The following M1AP variants were observed in gnomAD, a reference collection of about 807,000 sequenced individuals.
M1AP encodes the protein meiosis 1 arrest protein.
M1AP carries 39 observed loss-of-function variants against 51.2 expected under a neutral mutation model. The observed-to-expected ratio is 0.76, with a 90% CI of 0.59 to 1.00. The LOEUF is 1.00. M1AP is among the 50% of genes least tolerant of loss of function. M1AP has a pLI of 0.00. For synonymous variants in M1AP, 251 were observed against 249.2 expected (o/e 1.01, Z -0.07); for missense variants, 545 against 641.2 (o/e 0.85, Z 1.62).
chr2:74,568,980 A>G (rs77563225), intron 7 of M1AP, among the ~76,000 whole-genome samples: 5,763 of 152,276 alleles, frequency 0.038, 341 homozygotes, highest in African/African-American at 0.13. Context: ...ATTTATTTAT[A>G]TATGTTATTG....
chr2:74,563,606 T>TAAA (rs750014043), intron 7 of M1AP, among the ~76,000 whole-genome samples: 8 of 54,636 alleles, frequency 1.5e-4, no homozygotes, highest in Admixed American at 2.1e-4. Context: ...TCTCAAAACA[T>TAAA]AAAAAAAAAA....
chr2:74,647,398 G>T (rs1683672783), intron 1 of M1AP: 6 of 985,248 alleles, frequency 6.1e-6, no homozygotes, highest in Non-Finnish European at 7.2e-6. Flanking sequence ...CGATTCAATG[G>T]TTCTCCCTCT....
intron 8 of M1AP, among the ~76,000 whole-genome samples, chr2:74,561,175 G>A (rs1219892540): frequency 5.2e-5 from 7 of 135,236 alleles, no homozygotes; most frequent in African/African-American, 8.4e-5. Context: ...GGAGAAGGAG[G>A]AGGAGGAGAA....
intron 4 of M1AP, among the ~76,000 whole-genome samples, chr2:74,593,263 G>C (rs964141404): frequency 3.3e-5 from 5 of 152,156 alleles, no homozygotes; most frequent in African/African-American, 1.2e-4. Context: ...GAGGTAAAAA[G>C]AAAGAACCAA....
intron 4 of M1AP, among the ~76,000 whole-genome samples, chr2:74,598,228 A>G (rs1257782889): frequency 2.0e-5 from 3 of 152,084 alleles, no homozygotes; most frequent in African/African-American, 7.2e-5. Flanking sequence ...CTCAAAATAC[A>G]AAAATTAGCT....
At chr2:74,593,252 G>T (rs1182108138) in intron 4 of M1AP, among the ~76,000 whole-genome samples, 1 of 152,148 alleles carries the variant, frequency 6.6e-6, no homozygotes, top group Non-Finnish European at 1.5e-5. Context: ...AGGCAGAAAA[G>T]GAGGTAAAAA....
chr2:74,576,729 A>G lies in M1AP; in HGVS notation c.770-111T>C, dbSNP rs878930806. On this transcript the variant is annotated intron_variant, in intron 5 of 10. Coordinates refer to ENST00000421985, the MANE Select transcript of M1AP (RefSeq NM_001321739.2). ...AGAGACAACATCTGCTACCCATTCC[A>G]TCTCTACCAGGCAAGCAAGGGATAG... The G allele has an allele frequency of 3.8e-6, 5 of 1,331,896 alleles. No individual in the cohort carries two copies. The South Asian group carries it at 4.1e-5, about 11-fold the overall frequency. 82.5% of individuals were successfully genotyped at this position (1,331,896 alleles called of 1,614,324 possible). A position where few individuals can be genotyped will look rare whatever the true frequency, so the allele number is the denominator to read the frequency against.
intron 4 of M1AP, among the ~76,000 whole-genome samples, chr2:74,591,984 A>C (rs1449776309): frequency 6.6e-6 from 1 of 151,610 alleles, no homozygotes; most frequent in Admixed American, 6.6e-5. Flanking sequence ...ATTTTTTTTC[A>C]GTAGAGAAGG....
intron 2 of M1AP, among the ~76,000 whole-genome samples, chr2:74,638,053 C>T (rs867800123): frequency 2.0e-5 from 3 of 151,626 alleles, no homozygotes; most frequent in South Asian, 4.2e-4. Flanking sequence ...TAAGCTGGGA[C>T]AATTCTTTTT....
intron 5 of M1AP, among the ~76,000 whole-genome samples, chr2:74,580,717 G>A (rs772717089): frequency 6.6e-5 from 10 of 152,188 alleles, no homozygotes; most frequent in Non-Finnish European, 1.0e-4. Flanking sequence ...CCAGTGAGTC[G>A]TGTCAAAACT....
chr2:74,565,149 G>A (rs1678292496), intron 7 of M1AP, among the ~76,000 whole-genome samples: 2 of 151,232 alleles, frequency 1.3e-5, no homozygotes, highest in South Asian at 2.1e-4. Context: ...CTTGAACCCG[G>A]GAGGTGGAGG....
At position 74,558,616 on chromosome 2, in the gene M1AP, G is replaced by C; in HGVS notation, c.*100C>G. 1 of 1,415,024 alleles carries C rather than the reference G, an allele frequency of 7.1e-7. No homozygotes were observed. The highest frequency in any genetic ancestry group is 9.7e-7 in the Non-Finnish European group (1 of 1,026,962). The allele number at this position is 1,415,024 out of a possible 1,614,324, so 87.7% of individuals were successfully genotyped here. The stretch of plus-strand genomic sequence containing the variant: ...TCCCAGTCAGCCCTCACTCACAGAG[G>C]CTCAGGCGGATAGAGAGCAAGTCTG... On this transcript the variant is annotated 3_prime_UTR_variant, in exon 11 of 11. Coordinates refer to ENST00000421985, the MANE Select transcript of M1AP (RefSeq NM_001321739.2).
intron 2 of M1AP, chr2:74,628,748 C>G: frequency 1.8e-6 from 1 of 554,356 alleles, no homozygotes; most frequent in South Asian, 1.5e-5. Context: ...TAATCGTCAT[C>G]ATACAGGCAA....
intron 7 of M1AP, among the ~76,000 whole-genome samples, chr2:74,572,880 T>G (rs2104553316): frequency 6.6e-6 from 1 of 152,330 alleles, no homozygotes; most frequent in Non-Finnish European, 1.5e-5. Context: ...AGAAAAGGTC[T>G]CTTCATCTCT....
intron 3 of M1AP, among the ~76,000 whole-genome samples, chr2:74,613,959 T>A (rs1681518707): frequency 6.6e-6 from 1 of 152,150 alleles, no homozygotes; most frequent in Admixed American, 6.5e-5. Flanking sequence ...TGGCTAATCT[T>A]TATTTTCTGT....
chr2:74,616,077 G>A (rs1681651182), intron 2 of M1AP, among the ~76,000 whole-genome samples: 2 of 152,100 alleles, frequency 1.3e-5, no homozygotes, highest in African/African-American at 4.8e-5. Flanking sequence ...CCAAGTCTTT[G>A]GGGTGAAAAC....
chr2:74,639,908 G>A (rs1421917712), intron 2 of M1AP, 128 bp downstream of exon 2: 19 of 797,692 alleles, frequency 2.4e-5, no homozygotes, highest in Non-Finnish European at 3.6e-5. Context: ...GGTGTTACTC[G>A]GGGGCTACTG....
chr2:74,635,666 G>A (rs1043784681), intron 2 of M1AP, among the ~76,000 whole-genome samples: 2 of 151,932 alleles, frequency 1.3e-5, no homozygotes, highest in Non-Finnish European at 2.9e-5. Context: ...TTTGATATTT[G>A]TATTTTCATT....
In M1AP at chr2:74,565,824, G is replaced by A. The variant is rs1166984765; in HGVS notation, c.1075-3401C>T. Among the ~76,000 whole-genome samples the A allele has an allele frequency of 2.0e-4, 15 of 75,484 alleles. No homozygotes were observed. The East Asian group carries it at 4.7e-3, about 24-fold the overall frequency. 49.5% of individuals were successfully genotyped at this position (75,484 alleles called of 152,430 possible). A position where few individuals can be genotyped will look rare whatever the true frequency, so the allele number is the denominator to read the frequency against. Reference sequence around the variant, plus strand: ...AGCCTGGGCAACAGAGTGAGATGCCGTCACACACACACACACACACACACA... The same window carrying A: ...AGCCTGGGCAACAGAGTGAGATGCCATCACACACACACACACACACACACA... On this transcript the variant is annotated intron_variant, in intron 7 of 10. Transcript: ENST00000421985.
Sources: allele counts gnomAD v4.1 joint callset (sites outside exome capture counted in the v4.1 genomes callset), GRCh38; gene constraint gnomAD v4.1.1; transcripts MANE v1.5; gene names NCBI Gene and HGNC (gene_info 2026-07-23, HGNC 2026-07-21).